Variants in ZNF248 observed in about 807,000 individuals in gnomAD.
The protein encoded by ZNF248 is KRAB protein domain.
Under a neutral mutation model 44.3 loss-of-function variants are expected in ZNF248, and 20 were observed. The observed-to-expected ratio is 0.45, with a 90% CI of 0.32 to 0.66. The LOEUF is 0.66. Among genes scored for constraint, ZNF248 ranks in the 30% least tolerant of loss-of-function variants. The pLI, the probability that ZNF248 is intolerant of heterozygous loss-of-function variation, is 0.04. For synonymous variants in ZNF248, 224 were observed against 229.0 expected, an observed-to-expected ratio of 0.98 and a Z score of 0.20; for missense variants, 654 against 677.0, an observed-to-expected ratio of 0.97 and a Z score of 0.38.
chr10:37,844,031 A>G (rs2058836320), intron 3 of ZNF248, among the ~76,000 whole-genome samples: 1 of 152,208 alleles, frequency 6.6e-6, no homozygotes, highest in South Asian at 2.1e-4. Flanking sequence ...AAAACTGCCC[A>G]AATTCTAAGA....
intron 6 of ZNF248, chr10:37,795,490 T>A (rs576943730): frequency 5.9e-5 from 9 of 152,238 alleles, no homozygotes; most frequent in Non-Finnish European, 1.0e-4. Context: ...CGTTTTTTTT[T>A]CCCCCTCTCC....
intron 6 of ZNF248, among the ~76,000 whole-genome samples, chr10:37,822,937 G>A (rs141246193): frequency 2.0e-4 from 31 of 152,234 alleles, no homozygotes; most frequent in African/African-American, 7.2e-4. Context: ...CTATGTGAAG[G>A]AAACTATAAA....
At chr10:37,825,318 G>A (rs2054203382), downstream of ZNF248, among the ~76,000 whole-genome samples, 1 of 152,028 alleles carries the variant, frequency 6.6e-6, no homozygotes, top group African/African-American at 2.4e-5. Context: ...AATGTCTGTA[G>A]AAAATTTAGA....
chr10:37,832,485 A>C lies in ZNF248; in HGVS notation c.870T>G (p.Ala290=). 3 of 1,613,960 alleles carry C rather than the reference A, an allele frequency of 1.9e-6. No homozygotes were observed. Among genetic ancestry groups the C allele is most frequent in the Non-Finnish European group, 2.5e-6 (3 of 1,179,940 alleles). ...ATTCATAAGGATTGTCCTTTGTAAG[A>C]GCTCTCTGATGTCCAAACCTTAAAT... is the stretch of plus-strand genomic sequence containing the variant. The part of the protein sequence containing the change: ...CMNLRFGHQR[A]LTKDNPYEYN... Residue 290 remains alanine, a synonymous_variant, in exon 6 of 6, where the codon GCT becomes GCG. Transcript: ENST00000395867.
chr10:37,793,883 A>G (rs549050498), intron 6 of ZNF248, among the ~76,000 whole-genome samples: 1 of 152,248 alleles, frequency 6.6e-6, no homozygotes, highest in South Asian at 2.1e-4. Flanking sequence ...TTTCTTTTTA[A>G]TATGTTTTTC....
chr10:37,790,922 TA>T (rs372371285), intron 6 of ZNF248, among the ~76,000 whole-genome samples: 11,681 of 127,622 alleles, frequency 0.092, 623 homozygotes, highest in Admixed American at 0.16. Flanking sequence ...CCCATTATCT[TA>T]AAAAAAAAAA....
intron 6 of ZNF248, among the ~76,000 whole-genome samples, chr10:37,792,679 A>G (rs1228258726): frequency 6.6e-6 from 1 of 152,220 alleles, no homozygotes; most frequent in East Asian, 1.9e-4. Flanking sequence ...TCTCTGTGGT[A>G]TTATTCCCCA....
At chr10:37,805,448 C>A (rs1476491887) in intron 6 of ZNF248, among the ~76,000 whole-genome samples, 1 of 152,120 alleles carries the variant, frequency 6.6e-6, no homozygotes, top group Non-Finnish European at 1.5e-5. Context: ...TCAGAAGCAG[C>A]CAACTAACTT....
upstream of ZNF248, chr10:37,858,011 C>T (rs2061600242): frequency 6.6e-6 from 1 of 152,318 alleles, no homozygotes; most frequent in African/African-American, 2.4e-5. Flanking sequence ...TCACCCGCCG[C>T]TCCTCGCCGC....
intron 3 of ZNF248, among the ~76,000 whole-genome samples, chr10:37,838,508 G>A (rs1564612583): frequency 6.6e-6 from 1 of 152,208 alleles, no homozygotes; most frequent in Non-Finnish European, 1.5e-5. Flanking sequence ...CATCAAGGAA[G>A]TAAAACTTTG....
Position 37,804,101 on chromosome 10 carries a change from CT to C in ZNF248, c.331-27527del, listed in dbSNP as rs59261731. ...CTAAACTTGTTTCCTTTTTCTTTTT[CT>C]TTTTTTTTTTTTTTTTTTGAGACAG... On this transcript the variant is annotated intron_variant, in intron 6 of 6. Coordinates refer to the ZNF248 transcript ENST00000615949. 2.9e-4 allele frequency among the ~76,000 whole-genome samples: 36 copies of C among 124,926 alleles called. No individual in the cohort carries two copies. In the East Asian group the frequency reaches 4.8e-3, roughly 17 times the overall value. The allele number at this position is 124,926 out of a possible 152,430, so 82.0% of individuals were successfully genotyped here.
chr10:37,851,238 T>C (rs533439974), intron 3 of ZNF248, among the ~76,000 whole-genome samples: 1 of 152,204 alleles, frequency 6.6e-6, no homozygotes, highest in African/African-American at 2.4e-5. Context: ...AGGACATGGA[T>C]TTACGAAGAC....
chr10:37,851,081 T>C (rs917987990), intron 3 of ZNF248, among the ~76,000 whole-genome samples: 5 of 152,002 alleles, frequency 3.3e-5, no homozygotes, highest in African/African-American at 9.7e-5. Context: ...TAAAAAACTA[T>C]TAAAACTCAA....
chr10:37,846,921 C>A (rs1006495879), intron 3 of ZNF248, among the ~76,000 whole-genome samples: 2 of 152,162 alleles, frequency 1.3e-5, no homozygotes, highest in Non-Finnish European at 2.9e-5. Flanking sequence ...GACATTTCAA[C>A]CATATTTGAA....
chr10:37,771,566 T>C (rs1292483006), downstream of ZNF248, among the ~76,000 whole-genome samples: 2 of 137,394 alleles, frequency 1.5e-5, no homozygotes, highest in Admixed American at 8.6e-5. Flanking sequence ...TAGGTGGGAG[T>C]TGAACAATGA....
the ZNF248 span, among the ~76,000 whole-genome samples, chr10:37,769,375 A>G: frequency 5.9e-5 from 9 of 152,214 alleles, no homozygotes; most frequent in Non-Finnish European, 1.2e-4. Context: ...AATCCTCAAT[A>G]AAATACTGGC....
intron 6 of ZNF248, among the ~76,000 whole-genome samples, chr10:37,791,383 T>C (rs1385223948): frequency 2.0e-5 from 3 of 152,140 alleles, no homozygotes; most frequent in Non-Finnish European, 4.4e-5. Context: ...TCATTTATTA[T>C]GCTAGATGTG....
At chr10:37,804,101 CTTTTTTT>C (rs59261731) in intron 6 of ZNF248, among the ~76,000 whole-genome samples, 1 of 124,928 alleles carries the variant, frequency 8.0e-6, no homozygotes, top group Non-Finnish European at 1.6e-5. Context: ...TTTTCTTTTT[CTTTTTTT>C]TTTTTTTTTT....
intron 6 of ZNF248, among the ~76,000 whole-genome samples, chr10:37,796,953 T>G (rs2049232532): frequency 6.6e-6 from 1 of 152,040 alleles, no homozygotes; most frequent in Admixed American, 6.6e-5. Context: ...AATATAGTTT[T>G]TTTTTTCTAG....
Sources: gnomAD v4.1 joint callset for allele counts (sites outside exome capture counted in the v4.1 genomes callset) on GRCh38, gnomAD v4.1.1 for gene constraint, MANE v1.5 for transcripts, NCBI Gene and HGNC (gene_info 2026-07-23, HGNC 2026-07-21) for gene names.